The following FLYWCH2 variants were observed in gnomAD, a reference collection of about 807,000 sequenced individuals.
FLYWCH2 encodes FLYWCH family member 2.
A neutral mutation model predicts 6.0 loss-of-function variants in FLYWCH2; 2 were observed. The ratio of observed to expected loss-of-function variants is 0.33; its 90% CI spans 0.14 to 1.04. The LOEUF (loss-of-function observed/expected upper bound fraction) is 1.04. Among genes scored for constraint, FLYWCH2 ranks in the 50% least tolerant of loss-of-function variants. The pLI, the probability that FLYWCH2 is intolerant of heterozygous loss-of-function variation, is 0.45. For missense variants in FLYWCH2, 192 were observed against 183.4 expected (o/e 1.05, Z -0.27); for synonymous variants, 87 against 79.3 (o/e 1.10, Z -0.52).
At chr16:2,893,477 A>G (rs1248072122) in intron 1 of FLYWCH2, among the ~76,000 whole-genome samples, 1 of 152,156 alleles carries the variant, frequency 6.6e-6, no homozygotes, top group African/African-American at 2.4e-5. Flanking sequence ...TACGTATTTC[A>G]CGATTCCCTT....
In FLYWCH2 at chr16:2,898,503, G is replaced by A. The variant is rs552396971; in HGVS notation, c.323-546G>A. ...AGGAGGTCCCTGCAGAGGGCAGAGGGGGTTGGAGTCTGGCTCAGGATCTGT... is the reference window on the plus strand; with the variant it reads ...AGGAGGTCCCTGCAGAGGGCAGAGGAGGTTGGAGTCTGGCTCAGGATCTGT... On this transcript the variant is annotated intron_variant, in intron 3 of 3. Transcript: ENST00000396958. 5.3e-5 allele frequency among the ~76,000 whole-genome samples: 8 copies of A among 152,324 alleles called. No homozygotes were observed. The South Asian group carries it at 1.7e-3, about 32-fold the overall frequency.
rs1197166008 is a variant in FLYWCH2 at position 2,899,195 on chromosome 16, G to A, written c.*46G>A. The stretch of plus-strand genomic sequence containing the variant: ...TCCCAGGCCACCAACCCAGCCATAG[G>A]CTCTTCTCTGTCCGCAGGGCTTCTG... On this transcript the variant is annotated 3_prime_UTR_variant, in exon 4 of 4. Coordinates refer to ENST00000396958, the MANE Select transcript of FLYWCH2 (RefSeq NM_138439.3). 2.1e-6 allele frequency: 3 copies of A among 1,454,380 alleles called. No homozygotes were observed. 90.1% of individuals were successfully genotyped at this position (1,454,380 alleles called of 1,614,324 possible). A position where few individuals can be genotyped will look rare whatever the true frequency, so the allele number is the denominator to read the frequency against.
Position 2,894,842 on chromosome 16 carries a change from G to A in FLYWCH2, c.-199-378G>A, listed in dbSNP as rs535710341. ...TTAGGCCCCTCTCATGGACAATAGG[G>A]TCTTAGAAAAAGCGCCAGGGTGCTG... On this transcript the variant is annotated intron_variant, in intron 1 of 3. Coordinates refer to ENST00000396958, the MANE Select transcript of FLYWCH2 (RefSeq NM_138439.3). Among the ~76,000 whole-genome samples the A allele has an allele frequency of 2.0e-4, 31 of 152,288 alleles. No homozygotes were observed. In the East Asian group the frequency reaches 5.6e-3, roughly 28 times the overall value.
chr16:2,887,058 GC>G (rs2069706187), intron 1 of FLYWCH2, among the ~76,000 whole-genome samples: 1 of 152,016 alleles, frequency 6.6e-6, no homozygotes, highest in African/African-American at 2.4e-5. Flanking sequence ...ATTGAAGAAA[GC>G]TTTGCCTAAT....
intron 1 of FLYWCH2, among the ~76,000 whole-genome samples, chr16:2,891,626 T>C (rs367791840): frequency 5.3e-5 from 8 of 152,006 alleles, no homozygotes; most frequent in Admixed American, 2.0e-4. Flanking sequence ...AGGATGGTCT[T>C]GATCTCCTGA....
At chr16:2,884,964 C>T (rs915422453) in intron 1 of FLYWCH2, among the ~76,000 whole-genome samples, 6 of 151,992 alleles carry the variant, frequency 3.9e-5, no homozygotes, top group Non-Finnish European at 5.9e-5. Flanking sequence ...ACTCAATTTA[C>T]CTTTTTCTGA....
chr16:2,897,242 C>G (rs114077236), intron 3 of FLYWCH2, among the ~76,000 whole-genome samples: 383 of 152,254 alleles, frequency 2.5e-3, no homozygotes, highest in African/African-American at 5.6e-3. Context: ...TCTGGAGACT[C>G]GAGTCACGCA....
chr16:2,891,747 G>A (rs2069760562), intron 1 of FLYWCH2, among the ~76,000 whole-genome samples: 1 of 151,430 alleles, frequency 6.6e-6, no homozygotes. Context: ...TTATAGTGAT[G>A]AGGTCTCGCT....
chr16:2,894,704 AGAAG>A (rs2150849351), intron 1 of FLYWCH2, among the ~76,000 whole-genome samples: 1 of 152,298 alleles, frequency 6.6e-6, no homozygotes, highest in East Asian at 1.9e-4. Context: ...CACCCCCTCG[AGAAG>A]GTGCCCCTGG....
Position 2,896,763 on chromosome 16 carries a change from A to G in FLYWCH2, c.314A>G (p.Gln105Arg), listed in dbSNP as rs998309775. Residue 105 changes from glutamine to arginine, a missense_variant, in exon 3 of 4, where the codon CAG becomes CGG. Transcript: ENST00000396958. ...GAGCCTGAGCAGAAACGGAGCAGGC[A>G]GGACCCAGGTGAGGCTCCACAGCGG... ...PQEPEQKRSR[Q>R]DPGTDRTEDS... 1 of 1,609,858 alleles carries G rather than the reference A, an allele frequency of 6.2e-7. No homozygotes were observed. Among genetic ancestry groups the G allele is most frequent in the Non-Finnish European group, 8.5e-7 (1 of 1,179,726 alleles).
intron 3 of FLYWCH2, 164 bp from the exon 4 acceptor site, chr16:2,898,885 G>C: frequency 1.9e-6 from 1 of 514,784 alleles, no homozygotes; most frequent in Middle Eastern, 4.9e-4. Flanking sequence ...GTGGCCTTGG[G>C]AGCAGCGTCC....
At chr16:2,892,371 C>T (rs1342659706) in intron 1 of FLYWCH2, among the ~76,000 whole-genome samples, 1 of 151,070 alleles carries the variant, frequency 6.6e-6, no homozygotes, top group African/African-American at 2.4e-5. Context: ...TGGTGCACAC[C>T]AGTAATCCCA....
chr16:2,890,956 A>T (rs1264983148), intron 1 of FLYWCH2, among the ~76,000 whole-genome samples: 2 of 152,208 alleles, frequency 1.3e-5, no homozygotes, highest in Admixed American at 6.5e-5. Context: ...AAGTGTCCGC[A>T]CATACTGTTT....
At chr16:2,898,181 T>G (rs1349907137) in intron 3 of FLYWCH2, among the ~76,000 whole-genome samples, 2 of 152,130 alleles carry the variant, frequency 1.3e-5, no homozygotes, top group African/African-American at 4.8e-5. Context: ...GAGATGGTGG[T>G]GTCCGCAGCC....
Position 2,899,085 on chromosome 16 carries a change from G to A in FLYWCH2, c.359G>A (p.Gly120Glu). The change falls in exon 4 of 4, where the codon GGG (glycine) becomes GAG (glutamate). Residue 120 changes from glycine (G) to glutamate (E), a missense_variant. Coordinates refer to ENST00000396958, the MANE Select transcript of FLYWCH2 (RefSeq NM_138439.3). ...DRTEDSGLAA[G>E]PPEAAGENFA... Reference sequence around the variant, plus strand: ...ACAGAAGACAGTGGATTAGCAGCGGGGCCTCCTGAGGCTGCTGGGGAGAAC... The same window carrying A: ...ACAGAAGACAGTGGATTAGCAGCGGAGCCTCCTGAGGCTGCTGGGGAGAAC... 6.2e-7 allele frequency: 1 copy of A among 1,613,640 alleles called. No homozygotes were observed.
intron 1 of FLYWCH2, among the ~76,000 whole-genome samples, chr16:2,891,177 G>C (rs2069752999): frequency 6.6e-6 from 1 of 152,178 alleles, no homozygotes; most frequent in Non-Finnish European, 1.5e-5. Context: ...ATTGGCTCTG[G>C]ACCAGGCCTC....
At position 2,896,393 on chromosome 16, in the gene FLYWCH2, A is replaced by G. The variant is rs1340837374; in HGVS notation, c.-57A>G. 6.5e-7 allele frequency: 1 copy of G among 1,534,748 alleles called. No individual in the cohort carries two copies. Among genetic ancestry groups the G allele is most frequent in the Non-Finnish European group, 8.7e-7 (1 of 1,146,498 alleles). On this transcript the variant is annotated 5_prime_UTR_variant, in exon 3 of 4. Transcript: ENST00000396958. Reference sequence around the variant, plus strand: ...TCCAGGTTCCTTGCCTGGGAGTAGGAGAAATCCACCTGCTGGGGGCTGAGT... The same window carrying G: ...TCCAGGTTCCTTGCCTGGGAGTAGGGGAAATCCACCTGCTGGGGGCTGAGT...
chr16:2,890,162 G>A (rs974063764), intron 1 of FLYWCH2, among the ~76,000 whole-genome samples: 2 of 151,856 alleles, frequency 1.3e-5, no homozygotes, highest in South Asian at 2.1e-4. Flanking sequence ...TTTTGTGTTC[G>A]GAGGTGTAAT....
intron 1 of FLYWCH2, among the ~76,000 whole-genome samples, chr16:2,893,760 C>T (rs1285736588): frequency 6.6e-6 from 1 of 151,732 alleles, no homozygotes; most frequent in African/African-American, 2.4e-5. Context: ...GCCTCAGCCT[C>T]CCGAGTAGCT....
Sources: gnomAD v4.1 joint callset for allele counts (sites outside exome capture counted in the v4.1 genomes callset) on GRCh38, gnomAD v4.1.1 for gene constraint, MANE v1.5 for transcripts, NCBI Gene and HGNC (gene_info 2026-07-23, HGNC 2026-07-21) for gene names.